Variants in SND1 observed in about 807,000 individuals in gnomAD.
SND1 encodes the protein staphylococcal nuclease domain-containing protein 1.
Under a neutral mutation model 121.7 loss-of-function variants are expected in SND1, and 38 were observed. The observed-to-expected ratio is 0.31, with a 90% CI of 0.24 to 0.41. SND1 has a LOEUF of 0.41. Among genes scored for constraint, SND1 ranks in the 10% least tolerant of loss-of-function variants. The probability of loss-of-function intolerance (pLI) is 1.00; values close to 1 mark genes in which losing one functional copy is unlikely to be tolerated. For synonymous variants in SND1, 401 were observed against 447.4 expected (o/e 0.90, Z 1.31); for missense variants, 868 against 1,184.6 (o/e 0.73, Z 3.92).
intron 16 of SND1, among the ~76,000 whole-genome samples, chr7:128,057,014 G>T (rs1435532463): frequency 6.6e-6 from 1 of 152,144 alleles, no homozygotes; most frequent in Non-Finnish European, 1.5e-5. Context: ...CTACAGCCTG[G>T]ATATGCTGGA....
intron 10 of SND1, among the ~76,000 whole-genome samples, chr7:127,738,733 A>G (rs1212185345): frequency 1.3e-5 from 2 of 152,236 alleles, no homozygotes; most frequent in East Asian, 3.9e-4. Flanking sequence ...ATCTCTTCAG[A>G]TAAACAGGCT....
At chr7:128,072,444 C>A (rs1382061882) in intron 16 of SND1, among the ~76,000 whole-genome samples, 2 of 152,202 alleles carry the variant, frequency 1.3e-5, no homozygotes, top group Admixed American at 1.3e-4. Flanking sequence ...TGGCTGGGAA[C>A]TGTACCAGCC....
chr7:128,026,203 C>T (rs1466180059), intron 16 of SND1, among the ~76,000 whole-genome samples: 1 of 152,160 alleles, frequency 6.6e-6, no homozygotes, highest in Non-Finnish European at 1.5e-5. Flanking sequence ...CCAAGTCCCA[C>T]CCTTTGCTCT....
intron 1 of SND1, among the ~76,000 whole-genome samples, chr7:127,680,465 G>A (rs1795700285): frequency 1.3e-5 from 2 of 151,918 alleles, no homozygotes; most frequent in African/African-American, 4.8e-5. Context: ...ATACCCAAGG[G>A]GGCCATTTTA....
At chr7:127,848,044 T>C (rs1799098335) in intron 12 of SND1, among the ~76,000 whole-genome samples, 1 of 152,170 alleles carries the variant, frequency 6.6e-6, no homozygotes, top group Non-Finnish European at 1.5e-5. Flanking sequence ...GGTACTCAGG[T>C]TTTGGTCTTG....
chr7:127,889,843 A>T (rs1195826630), intron 13 of SND1, among the ~76,000 whole-genome samples: 1 of 152,020 alleles, frequency 6.6e-6, no homozygotes, highest in Admixed American at 6.6e-5. Flanking sequence ...TGTTGTTGCA[A>T]ATGACAGGAT....
intron 11 of SND1, among the ~76,000 whole-genome samples, chr7:127,843,773 G>T (rs1799007133): frequency 6.6e-6 from 1 of 152,142 alleles, no homozygotes; most frequent in South Asian, 2.1e-4. Flanking sequence ...GGATCAAATG[G>T]TAAGAGTACA....
At chr7:128,091,702 G>A in intron 22 of SND1, 135 bp from the exon 23 acceptor site, 3 of 872,930 alleles carry the variant, frequency 3.4e-6, no homozygotes, top group Admixed American at 1.8e-5. Flanking sequence ...GTTTTACTCT[G>A]AGGGAACTAA....
At chr7:127,876,479 T>A (rs1799693245) in intron 12 of SND1, among the ~76,000 whole-genome samples, 1 of 152,122 alleles carries the variant, frequency 6.6e-6, no homozygotes, top group Non-Finnish European at 1.5e-5. Flanking sequence ...CAGGCCTAGG[T>A]GCTGAGAGTA....
intron 16 of SND1, among the ~76,000 whole-genome samples, chr7:128,065,513 T>C (rs1793298571): frequency 6.6e-6 from 1 of 152,246 alleles, no homozygotes. Context: ...TTGACCTGAT[T>C]GGACAACATT....
chr7:127,973,306 A>T (rs980261418), intron 15 of SND1, among the ~76,000 whole-genome samples: 1 of 152,220 alleles, frequency 6.6e-6, no homozygotes, highest in Non-Finnish European at 1.5e-5. Flanking sequence ...GGAGATTAAA[A>T]CTTTGAGAGT....
At chr7:127,832,622 A>G (rs569245882) in intron 11 of SND1, among the ~76,000 whole-genome samples, 1 of 152,356 alleles carries the variant, frequency 6.6e-6, no homozygotes, top group South Asian at 2.1e-4. Flanking sequence ...TGAGCCATAG[A>G]CTATTCTTAT....
At chr7:127,784,609 C>T (rs572862244) in intron 10 of SND1, among the ~76,000 whole-genome samples, 1 of 152,232 alleles carries the variant, frequency 6.6e-6, no homozygotes, top group South Asian at 2.1e-4. Context: ...AAGTGCATTC[C>T]CACCACATTG....
intron 15 of SND1, among the ~76,000 whole-genome samples, chr7:127,955,408 TGA>T (rs1474238944): frequency 6.6e-6 from 1 of 152,082 alleles, no homozygotes; most frequent in Non-Finnish European, 1.5e-5. Flanking sequence ...CACCTTATCT[TGA>T]GAGAGAGATG....
intron 1 of SND1, among the ~76,000 whole-genome samples, chr7:127,678,584 A>G (rs1239486160): frequency 6.6e-6 from 1 of 152,182 alleles, no homozygotes; most frequent in Non-Finnish European, 1.5e-5. Context: ...ATACAAAAAC[A>G]CATACGCACA....
chr7:127,727,033 C>T (rs1796593792), intron 10 of SND1, among the ~76,000 whole-genome samples: 1 of 152,226 alleles, frequency 6.6e-6, no homozygotes, highest in Non-Finnish European at 1.5e-5. Context: ...CCCCTGCTAC[C>T]AGCCTCTATT....
intron 11 of SND1, among the ~76,000 whole-genome samples, chr7:127,841,606 G>A (rs1798966658): frequency 6.6e-6 from 1 of 152,160 alleles, no homozygotes; most frequent in Non-Finnish European, 1.5e-5. Flanking sequence ...GTTCCAGGGT[G>A]TATTAGCATC....
intron 1 of SND1, among the ~76,000 whole-genome samples, chr7:127,681,133 A>G (rs1795718658): frequency 6.6e-6 from 1 of 152,154 alleles, no homozygotes; most frequent in Non-Finnish European, 1.5e-5. Flanking sequence ...TGAGGGGTCC[A>G]GTTTTTACAC....
At chr7:127,944,171 G>A (rs1250410169) in intron 15 of SND1, among the ~76,000 whole-genome samples, 2 of 152,202 alleles carry the variant, frequency 1.3e-5, no homozygotes, top group Non-Finnish European at 2.9e-5. Context: ...TTTGTAAGCT[G>A]CTTTATAAGC....
Sources: allele counts gnomAD v4.1 joint callset (sites outside exome capture counted in the v4.1 genomes callset), GRCh38; gene constraint gnomAD v4.1.1; transcripts MANE v1.5; gene names NCBI Gene and HGNC (gene_info 2026-07-23, HGNC 2026-07-21).